SCFD2: variants seen among roughly 807,000 people sequenced by gnomAD.
SCFD2 encodes sec1 family domain containing 2.
Under a neutral mutation model 58.9 loss-of-function variants are expected in SCFD2, and 54 were observed. The ratio of observed to expected loss-of-function variants is 0.92; its 90% CI spans 0.74 to 1.15. SCFD2 has a LOEUF of 1.15. Among genes scored for constraint, SCFD2 ranks in the 50% most tolerant of loss-of-function variants. The pLI is 0.00. For missense variants in SCFD2, 805 were observed against 836.6 expected (o/e 0.96, Z 0.47); for synonymous variants, 321 against 335.9 (o/e 0.96, Z 0.49).
At chr4:52,885,020 A>G (rs1718701563) in intron 8 of SCFD2, among the ~76,000 whole-genome samples, 2 of 152,196 alleles carry the variant, frequency 1.3e-5, no homozygotes, top group Admixed American at 6.5e-5. Context: ...TCAAAGGCAG[A>G]GGCAGGATTG....
chr4:53,105,527 T>C (rs1251062871), intron 5 of SCFD2, among the ~76,000 whole-genome samples: 1 of 152,154 alleles, frequency 6.6e-6, no homozygotes, highest in Non-Finnish European at 1.5e-5. Context: ...TTTCTGACAC[T>C]TGAAAAGGTG....
chr4:53,207,099 T>C (rs1278935549), intron 4 of SCFD2, among the ~76,000 whole-genome samples: 8 of 151,862 alleles, frequency 5.3e-5, no homozygotes, highest in Non-Finnish European at 1.2e-4. Context: ...AGACTCACTT[T>C]ATAACAACCT....
At chr4:53,038,694 GTT>G (rs879685463) in intron 5 of SCFD2, among the ~76,000 whole-genome samples, 1 of 140,264 alleles carries the variant, frequency 7.1e-6, no homozygotes. Flanking sequence ...AAAGTTTTTT[GTT>G]TTTTTTTTTT....
chr4:53,201,468 A>G (rs1728237159), intron 4 of SCFD2, among the ~76,000 whole-genome samples: 1 of 152,202 alleles, frequency 6.6e-6, no homozygotes, highest in African/African-American at 2.4e-5. Context: ...TATTGTGAAC[A>G]GTGCCTCAAT....
At chr4:53,330,116 T>G (rs1232580136) in intron 2 of SCFD2, among the ~76,000 whole-genome samples, 1 of 152,188 alleles carries the variant, frequency 6.6e-6, no homozygotes, top group Non-Finnish European at 1.5e-5. Context: ...AATCTACGTC[T>G]GATTGCTGTA....
At chr4:53,036,674 C>T (rs924512841) in intron 5 of SCFD2, among the ~76,000 whole-genome samples, 1 of 151,822 alleles carries the variant, frequency 6.6e-6, no homozygotes. Context: ...AGGGGAACAT[C>T]ACACGCCGGG....
intron 5 of SCFD2, among the ~76,000 whole-genome samples, chr4:52,976,347 G>A (rs1721260831): frequency 6.6e-6 from 1 of 152,024 alleles, no homozygotes; most frequent in Admixed American, 6.6e-5. Context: ...GAATTGTTAG[G>A]GGAGGCATTT....
At chr4:53,256,064 G>A (rs1477714708) in intron 4 of SCFD2, among the ~76,000 whole-genome samples, 1 of 149,972 alleles carries the variant, frequency 6.7e-6, no homozygotes, top group African/African-American at 2.5e-5. Flanking sequence ...CCTGGTGGGG[G>A]CTGACCCCCA....
At chr4:53,249,096 C>T (rs1170877945) in intron 4 of SCFD2, among the ~76,000 whole-genome samples, 1 of 152,050 alleles carries the variant, frequency 6.6e-6, no homozygotes, top group Non-Finnish European at 1.5e-5. Flanking sequence ...ATAACCAATA[C>T]AGAGAAGTGC....
chr4:53,177,255 G>T (rs1288931515), intron 4 of SCFD2, among the ~76,000 whole-genome samples: 1 of 152,184 alleles, frequency 6.6e-6, no homozygotes, highest in Non-Finnish European at 1.5e-5. Context: ...AAAACAGAGA[G>T]TTAGTTGAAG....
intron 5 of SCFD2, among the ~76,000 whole-genome samples, chr4:52,926,751 G>C (rs930130773): frequency 6.6e-6 from 1 of 152,100 alleles, no homozygotes; most frequent in African/African-American, 2.4e-5. Context: ...AACGCAGCAG[G>C]GGCCACCTCC....
At chr4:53,114,686 C>G (rs1377737109) in intron 5 of SCFD2, among the ~76,000 whole-genome samples, 5 of 151,954 alleles carry the variant, frequency 3.3e-5, no homozygotes, top group Admixed American at 6.6e-5. Flanking sequence ...AGAATTGCTT[C>G]AGGAAGTTCT....
intron 4 of SCFD2, among the ~76,000 whole-genome samples, chr4:53,194,873 C>T (rs994378134): frequency 1.3e-5 from 2 of 152,148 alleles, no homozygotes; most frequent in African/African-American, 2.4e-5. Flanking sequence ...TTTATTTTCT[C>T]GTTTAGAGCC....
In SCFD2 at chr4:53,107,627, G is replaced by C. The variant is rs191087209; in HGVS notation, c.1561+37706C>G. The stretch of plus-strand genomic sequence containing the variant: ...AACCAACAAAGATCAAAAAAGAAAA[G>C]AAGGGCATTACATAGTGGTAAAGGG... On this transcript the variant is annotated intron_variant, in intron 5 of 8. Coordinates refer to ENST00000401642, the MANE Select transcript of SCFD2 (RefSeq NM_152540.4). Among the ~76,000 whole-genome samples the C allele has an allele frequency of 4.2e-3, 642 of 152,266 alleles. 4 individuals are homozygous for C. The highest frequency in any genetic ancestry group is 0.015 in the African/African-American group (608 of 41,566).
intron 4 of SCFD2, among the ~76,000 whole-genome samples, chr4:53,174,407 A>AT (rs1383670838): frequency 6.6e-6 from 1 of 152,198 alleles, no homozygotes. Flanking sequence ...AATTGTAAAA[A>AT]ATATATATAC....
chr4:52,987,398 A>G (rs1050868287), intron 5 of SCFD2, among the ~76,000 whole-genome samples: 5 of 152,198 alleles, frequency 3.3e-5, no homozygotes, highest in African/African-American at 1.2e-4. Context: ...TTGTTTTTCT[A>G]AAATATAAAT....
chr4:53,365,227 CA>C lies in SCFD2; in HGVS notation c.714del (p.Val239Ter). The C allele has an allele frequency of 6.2e-7, 1 of 1,614,180 alleles. No individual in the cohort carries two copies. The highest frequency in any genetic ancestry group is 8.5e-7 in the Non-Finnish European group (1 of 1,180,038). On this transcript the variant is annotated frameshift_variant, in exon 1 of 9. Transcript: ENST00000401642. LOFTEE classifies it high-confidence loss of function. This position sits in a 1 kb window ranked among gnomAD's most constrained non-coding sequence, Gnocchi z 4.3. ...EHLGVREECF[A>X]VGSLSQVIAA... ...GCGATGACCTGACTTAAGGAACCTA[CA>C]GCAAAACACTCCTCCCGTACTCCTA...
Position 53,193,122 on chromosome 4 carries a change from C to G in SCFD2, c.1312-47540G>C, listed in dbSNP as rs1727961489. Among the ~76,000 whole-genome samples, 3 of 152,012 alleles carry G rather than the reference C, an allele frequency of 2.0e-5. No homozygotes were observed. The South Asian group carries it at 6.2e-4, about 32-fold the overall frequency. On this transcript the variant is annotated intron_variant, in intron 4 of 8. Transcript: ENST00000401642. The stretch of plus-strand genomic sequence containing the variant: ...AACTAAGGATAACTTTAAGGTCAGC[C>G]AAATAAAGTTTTCAGGAATAATATA...
At chr4:52,948,373 A>G in intron 5 of SCFD2, 1 of 303,936 alleles carries the variant, frequency 3.3e-6, no homozygotes, top group African/African-American at 2.2e-5. Context: ...CATAGAAGAA[A>G]CAAGTGATTT....
Sources: gnomAD v4.1 joint callset for allele counts (sites outside exome capture counted in the v4.1 genomes callset) on GRCh38, gnomAD v4.1.1 for gene constraint, Gnocchi (gnomAD v3.1) non-coding constraint, MANE v1.5 for transcripts, NCBI Gene and HGNC (gene_info 2026-07-23, HGNC 2026-07-21) for gene names.